Variants in RAB14 observed in about 807,000 individuals in gnomAD.
RAB14 encodes the protein ras-related protein Rab-14.
A neutral mutation model predicts 31.1 loss-of-function variants in RAB14; 3 were observed. The ratio of observed to expected loss-of-function variants is 0.10; its 90% CI spans 0.04 to 0.25. The LOEUF (loss-of-function observed/expected upper bound fraction) is 0.25, where lower values mean the gene tolerates loss of function less well. Ranked by LOEUF, RAB14 falls within the 10% of genes least tolerant of loss-of-function variation. The probability of loss-of-function intolerance (pLI) is 1.00; values close to 1 mark genes in which losing one functional copy is unlikely to be tolerated. For missense variants in RAB14, 111 were observed against 260.1 expected (o/e 0.43, Z 3.94); for synonymous variants, 85 against 84.9 (o/e 1.00, Z 0.00).
chr9:121,181,296 A>C lies in RAB14; in HGVS notation c.*100T>G. ...CAGAGTTTTTTCTTTTTTTTTAATT[A>C]AACCCAGTAAGATGTACAGAAGACA... On this transcript the variant is annotated 3_prime_UTR_variant, in exon 8 of 8. Transcript: ENST00000373840. 1 of 1,218,110 alleles carries C rather than the reference A, an allele frequency of 8.2e-7. No homozygotes were observed. The highest frequency in any genetic ancestry group is 1.1e-6 in the Non-Finnish European group (1 of 907,902). The allele number at this position is 1,218,110 out of a possible 1,614,324, so 75.5% of individuals were successfully genotyped here. A position where few individuals can be genotyped will look rare whatever the true frequency, so the allele number is the denominator to read the frequency against.
chr9:121,199,180 T>C (rs1464084637), intron 1 of RAB14, among the ~76,000 whole-genome samples: 2 of 152,182 alleles, frequency 1.3e-5, no homozygotes, highest in African/African-American at 4.8e-5. Context: ...AGTGAAAATT[T>C]TACTACCGAT....
At chr9:121,192,128 G>T in intron 3 of RAB14, 43 bp downstream of exon 3, 1 of 1,370,010 alleles carries the variant, frequency 7.3e-7, no homozygotes, top group South Asian at 1.3e-5. Flanking sequence ...GAAACATGGC[G>T]ATAAAGAAAA....
chr9:121,186,868 C>T (rs2053662245), intron 5 of RAB14, 85 bp downstream of exon 5: 1 of 915,136 alleles, frequency 1.1e-6, no homozygotes, highest in Non-Finnish European at 1.6e-6. Context: ...TACCTGAAGA[C>T]AAAAATCTCA....
intron 3 of RAB14, among the ~76,000 whole-genome samples, chr9:121,191,438 A>G (rs538093437): frequency 6.6e-6 from 1 of 152,106 alleles, no homozygotes; most frequent in Non-Finnish European, 1.5e-5. Flanking sequence ...TCTGGGTTCA[A>G]GCAAGCCTCC....
intron 7 of RAB14, among the ~76,000 whole-genome samples, chr9:121,182,082 G>A (rs1174799833): frequency 6.6e-6 from 1 of 152,030 alleles, no homozygotes; most frequent in South Asian, 2.1e-4. Flanking sequence ...ACATACATAC[G>A]TGTACTGAAA....
At chr9:121,188,102 T>C (rs1564319848) in intron 4 of RAB14, among the ~76,000 whole-genome samples, 1 of 152,124 alleles carries the variant, frequency 6.6e-6, no homozygotes, top group East Asian at 1.9e-4. Context: ...CATCATATTA[T>C]TCATAAATCA....
At chr9:121,187,143 GA>G in intron 4 of RAB14, 124 bp from the exon 5 acceptor site, 1 of 514,374 alleles carries the variant, frequency 1.9e-6, no homozygotes, top group Non-Finnish European at 3.2e-6. Context: ...CAGTTACTCA[GA>G]ACAGTAGTTG....
chr9:121,192,748 A>G (rs897652243), intron 2 of RAB14, among the ~76,000 whole-genome samples: 1 of 152,136 alleles, frequency 6.6e-6, no homozygotes, highest in African/African-American at 2.4e-5. Context: ...TGACTGTACT[A>G]TAGCAATGTT....
intron 5 of RAB14, among the ~76,000 whole-genome samples, chr9:121,185,124 G>T (rs1419660019): frequency 6.6e-6 from 1 of 152,126 alleles, no homozygotes; most frequent in African/African-American, 2.4e-5. Flanking sequence ...TCCTGATCTG[G>T]TTCTATTTCA....
intron 7 of RAB14, among the ~76,000 whole-genome samples, chr9:121,182,254 A>T (rs1588366359): frequency 6.6e-6 from 1 of 152,234 alleles, no homozygotes; most frequent in African/African-American, 2.4e-5. Context: ...GCTGAAAAAA[A>T]TTCCAAGAAT....
At chr9:121,182,481 C>T (rs1478375631) in intron 7 of RAB14, among the ~76,000 whole-genome samples, 1 of 152,188 alleles carries the variant, frequency 6.6e-6, no homozygotes, top group African/African-American at 2.4e-5. Flanking sequence ...CAATAGCAGA[C>T]ATGGAAGAAC....
chr9:121,181,391 G>A lies in RAB14; in HGVS notation c.*5C>T. The A allele has an allele frequency of 6.3e-7, 1 of 1,590,572 alleles. No individual in the cohort carries two copies. Among genetic ancestry groups the A allele is most frequent in the Non-Finnish European group, 8.6e-7 (1 of 1,162,858 alleles). On this transcript the variant is annotated 3_prime_UTR_variant, in exon 8 of 8. Transcript: ENST00000373840. ...GTCAAATGAGGGGCCACAGCAAAGA[G>A]GTCACTAGCAGCCACAGCCTTCTCT...
At chr9:121,198,117 T>C (rs550357224) in intron 1 of RAB14, among the ~76,000 whole-genome samples, 10 of 152,144 alleles carry the variant, frequency 6.6e-5, no homozygotes, top group Admixed American at 2.0e-4. Context: ...AAACAGGGAA[T>C]AGAGAAATTA....
intron 1 of RAB14, among the ~76,000 whole-genome samples, chr9:121,198,458 T>C (rs1414079977): frequency 1.3e-5 from 2 of 152,218 alleles, no homozygotes; most frequent in African/African-American, 2.4e-5. Context: ...TATACAGCTA[T>C]TCTACTCCTT....
At chr9:121,181,968 G>C (rs1283870264) in intron 7 of RAB14, among the ~76,000 whole-genome samples, 1 of 151,856 alleles carries the variant, frequency 6.6e-6, no homozygotes, top group African/African-American at 2.4e-5. Flanking sequence ...GGGTGGTCTC[G>C]ATCTCCTGAC....
At chr9:121,188,673 T>TATTTG (rs2053670941) in intron 4 of RAB14, among the ~76,000 whole-genome samples, 1 of 151,984 alleles carries the variant, frequency 6.6e-6, no homozygotes, top group Non-Finnish European at 1.5e-5. Flanking sequence ...AAGGGACTTT[T>TATTTG]ACGTTTGTAA....
At chr9:121,183,286 A>C (rs1339860539) in intron 6 of RAB14, 25 bp downstream of exon 6, 1 of 1,555,496 alleles carries the variant, frequency 6.4e-7, no homozygotes, top group African/African-American at 1.4e-5. Context: ...CCCAATTGTG[A>C]CCATTAAGTC....
At chr9:121,201,118 G>C (rs974510153) in intron 1 of RAB14, among the ~76,000 whole-genome samples, 1 of 152,058 alleles carries the variant, frequency 6.6e-6, no homozygotes, top group African/African-American at 2.4e-5. Flanking sequence ...AAGGACACCG[G>C]AGCTGCCCCG....
At chr9:121,185,678 C>CT (rs1489113337) in intron 5 of RAB14, among the ~76,000 whole-genome samples, 11 of 152,236 alleles carry the variant, frequency 7.2e-5, no homozygotes, top group African/African-American at 2.6e-4. Flanking sequence ...TTGAGATTGG[C>CT]TTTTTTACTG....
Sources: allele counts gnomAD v4.1 joint callset (sites outside exome capture counted in the v4.1 genomes callset), GRCh38; gene constraint gnomAD v4.1.1; transcripts MANE v1.5; gene names NCBI Gene and HGNC (gene_info 2026-07-23, HGNC 2026-07-21).